The following RAB38 variants were observed in gnomAD, a reference collection of about 807,000 sequenced individuals.
RAB38 encodes RAB38, member RAS oncogene family, also known as ras-related protein Rab-38.
Under a neutral mutation model 18.4 loss-of-function variants are expected in RAB38, and 15 were observed. The ratio of observed to expected loss-of-function variants is 0.82; its 90% CI spans 0.55 to 1.26. RAB38 has a LOEUF of 1.26. Ranked by LOEUF, RAB38 falls within the 50% of genes most tolerant of loss-of-function variation. The pLI, the probability that RAB38 is intolerant of heterozygous loss-of-function variation, is 0.00. For missense variants in RAB38, 294 were observed against 267.4 expected, an observed-to-expected ratio of 1.10 and a Z score of -0.69; for synonymous variants, 101 against 104.4, an observed-to-expected ratio of 0.97 and a Z score of 0.20.
chr11:87,941,237 A>ATATATATATATATATATATATATATATG, the RAB38 span, among the ~76,000 whole-genome samples: 42 of 123,660 alleles, frequency 3.4e-4, no homozygotes, highest in Admixed American at 5.2e-4. Context: ...ATATATATAT[A>ATATATATATATATATATATATATATATG]TATATATATG....
the RAB38 span, among the ~76,000 whole-genome samples, chr11:87,886,798 G>A: frequency 6.7e-6 from 1 of 150,092 alleles, no homozygotes; most frequent in Non-Finnish European, 1.5e-5. Context: ...CGGGTTTCAT[G>A]AAGATGTCCT....
At chr11:87,942,140 C>G in the RAB38 span, among the ~76,000 whole-genome samples, 1 of 152,220 alleles carries the variant, frequency 6.6e-6, no homozygotes, top group African/African-American at 2.4e-5. Context: ...TCACCATGAG[C>G]TGTGCCTGAT....
chr11:88,051,811 T>A, the RAB38 span, among the ~76,000 whole-genome samples: 1 of 152,192 alleles, frequency 6.6e-6, no homozygotes, highest in African/African-American at 2.4e-5. Context: ...AATGACAGTT[T>A]AGAGCTAAAA....
chr11:87,907,673 A>T, the RAB38 span, among the ~76,000 whole-genome samples: 1 of 151,630 alleles, frequency 6.6e-6, no homozygotes, highest in Non-Finnish European at 1.5e-5. Context: ...TTTTAGTCAC[A>T]TGCAATAGAT....
intron 2 of RAB38, 39 bp downstream of exon 2, chr11:88,149,636 C>A: frequency 6.4e-7 from 1 of 1,561,960 alleles, no homozygotes; most frequent in Non-Finnish European, 8.7e-7. Context: ...TCTTTGTGAA[C>A]CTTGCTTATA....
At chr11:88,038,726 A>T in the RAB38 span, among the ~76,000 whole-genome samples, 1 of 152,244 alleles carries the variant, frequency 6.6e-6, no homozygotes, top group East Asian at 1.9e-4. Context: ...ATATCTGCAA[A>T]ATCTGTAGTT....
chr11:87,865,444 A>C, the RAB38 span, among the ~76,000 whole-genome samples: 1 of 151,726 alleles, frequency 6.6e-6, no homozygotes, highest in Non-Finnish European at 1.5e-5. Flanking sequence ...GGTCACAATC[A>C]AAGAATTCTG....
chr11:87,899,313 G>C, the RAB38 span, among the ~76,000 whole-genome samples: 2 of 151,620 alleles, frequency 1.3e-5, no homozygotes, highest in Non-Finnish European at 3.0e-5. Context: ...CAGATGAAAG[G>C]CACAGGGGCA....
chr11:87,926,131 G>A, the RAB38 span, among the ~76,000 whole-genome samples: 3 of 151,562 alleles, frequency 2.0e-5, no homozygotes, highest in Non-Finnish European at 2.9e-5. Flanking sequence ...CATGGATAAT[G>A]AGCAGAGAGG....
At chr11:88,034,132 A>T in the RAB38 span, among the ~76,000 whole-genome samples, 2 of 152,202 alleles carry the variant, frequency 1.3e-5, no homozygotes, top group East Asian at 3.9e-4. Context: ...ATAATGTTAC[A>T]TAAATGGAGT....
chr11:87,890,186 A>G, the RAB38 span, among the ~76,000 whole-genome samples: 8 of 151,916 alleles, frequency 5.3e-5, no homozygotes, highest in African/African-American at 1.9e-4. Context: ...AAATCTCACA[A>G]ATTTTAAGGC....
At chr11:87,945,474 T>C in the RAB38 span, among the ~76,000 whole-genome samples, 1 of 151,908 alleles carries the variant, frequency 6.6e-6, no homozygotes, top group Non-Finnish European at 1.5e-5. Context: ...GACAACGGGG[T>C]TGTCAGTGGG....
chr11:88,095,854 C>T, the RAB38 span, among the ~76,000 whole-genome samples: 12 of 151,928 alleles, frequency 7.9e-5, no homozygotes, highest in African/African-American at 2.9e-4. Flanking sequence ...CCCTTAATTC[C>T]TCTCACACCT....
At chr11:88,092,361 A>G in the RAB38 span, among the ~76,000 whole-genome samples, 11 of 7,082 alleles carry the variant, frequency 1.6e-3, 1 homozygote, top group Non-Finnish European at 4.5e-3. Context: ...GGAGAGAGAG[A>G]GAGAGAGAGA....
the RAB38 span, among the ~76,000 whole-genome samples, chr11:87,828,702 T>C: frequency 6.6e-6 from 1 of 152,222 alleles, no homozygotes; most frequent in African/African-American, 2.4e-5. Context: ...CTACCTTTTT[T>C]GGGTAATTTA....
chr11:88,083,829 C>T, the RAB38 span, among the ~76,000 whole-genome samples: 1 of 151,948 alleles, frequency 6.6e-6, no homozygotes, highest in Non-Finnish European at 1.5e-5. Context: ...ACACTGAACA[C>T]ACCGATGCTT....
intron 1 of RAB38, among the ~76,000 whole-genome samples, chr11:88,154,680 T>G (rs1416034072): frequency 6.6e-6 from 1 of 152,152 alleles, no homozygotes; most frequent in Non-Finnish European, 1.5e-5. Context: ...TATCCAGGCA[T>G]TCAGACGACC....
chr11:87,969,854 G>A, the RAB38 span, among the ~76,000 whole-genome samples: 4 of 152,082 alleles, frequency 2.6e-5, no homozygotes, highest in Non-Finnish European at 4.4e-5. Flanking sequence ...AGTGGATTCT[G>A]GAGATTTTAA....
At chr11:88,026,981 A>G in the RAB38 span, among the ~76,000 whole-genome samples, 1 of 152,228 alleles carries the variant, frequency 6.6e-6, no homozygotes, top group African/African-American at 2.4e-5. Context: ...ATATAAAAAT[A>G]CAATTGATTT....
Sources: gnomAD v4.1 joint callset for allele counts (sites outside exome capture counted in the v4.1 genomes callset) on GRCh38, gnomAD v4.1.1 for gene constraint, MANE v1.5 for transcripts, NCBI Gene and HGNC (gene_info 2026-07-23, HGNC 2026-07-21) for gene names.